The following SHPK variants were observed in gnomAD, a reference collection of about 807,000 sequenced individuals.
SHPK encodes the protein carbohydrate kinase-like protein.
In SHPK, 51 loss-of-function variants were observed where a neutral mutation model predicts 46.3. That is an observed-to-expected ratio of 1.10 (90% CI 0.88 to 1.39). SHPK has a LOEUF of 1.39. Ranked by LOEUF, SHPK falls within the 40% of genes most tolerant of loss-of-function variation. The pLI is 0.00. For synonymous variants in SHPK, 290 were observed against 273.9 expected (o/e 1.06, Z -0.58); for missense variants, 668 against 641.3 (o/e 1.04, Z -0.45).
chr17:3,618,812 G>C (rs992966369), intron 5 of SHPK, among the ~76,000 whole-genome samples: 2 of 152,032 alleles, frequency 1.3e-5, no homozygotes, highest in Non-Finnish European at 2.9e-5. Context: ...TTAGTTGACA[G>C]ACATTTAGAT....
chr17:3,618,649 G>A (rs57307520), intron 5 of SHPK, among the ~76,000 whole-genome samples: 3 of 151,930 alleles, frequency 2.0e-5, no homozygotes, highest in South Asian at 2.1e-4. Flanking sequence ...GTGTGGTGGC[G>A]TGCGCCTGTA....
Position 3,614,335 on chromosome 17 carries a change from T to A in SHPK, c.1024+1002A>T, listed in dbSNP as rs1304188218. 3.3e-5 allele frequency among the ~76,000 whole-genome samples: 5 copies of A among 151,258 alleles called. No individual in the cohort carries two copies. In the East Asian group the frequency reaches 9.9e-4, roughly 30 times the overall value. Reference sequence around the variant, plus strand: ...GTCAGGAGATTGAGACCATCCTGGCTAACACGGTGAAACCCCACCTCTACT... The same window carrying A: ...GTCAGGAGATTGAGACCATCCTGGCAAACACGGTGAAACCCCACCTCTACT... On this transcript the variant is annotated intron_variant, in intron 6 of 6. Transcript: ENST00000225519.
chr17:3,624,181 C>A lies in SHPK; in HGVS notation c.361G>T (p.Val121Phe). Residue 121 changes from valine to phenylalanine, a missense_variant, in exon 3 of 7, where the codon GTT becomes TTT. Coordinates refer to ENST00000225519, the MANE Select transcript of SHPK (RefSeq NM_013276.4). The stretch of plus-strand genomic sequence containing the variant: ...TCCTGCCACGTGACCAGGTGGCTAA[C>A]AGCTCGGGGCTCGAACACCGGGGTA... ...GITPVFEPRA[V>F]SHLVTWQDGR... is the part of the protein sequence containing the mutation. 1 of 1,614,112 alleles carries A rather than the reference C, an allele frequency of 6.2e-7. No individual in the cohort carries two copies. Among genetic ancestry groups the A allele is most frequent in the Non-Finnish European group, 8.5e-7 (1 of 1,179,960 alleles).
chr17:3,635,976 C>T (rs1265336372), intron 1 of SHPK, 76 bp downstream of exon 1: 5 of 1,390,200 alleles, frequency 3.6e-6, no homozygotes, highest in East Asian at 2.6e-5. Flanking sequence ...GAAGGGCTGT[C>T]AGGGAGGCCT....
In SHPK at chr17:3,627,978, G is replaced by A. The variant is rs79950433; in HGVS notation, c.310+2227C>T. On this transcript the variant is annotated intron_variant, in intron 2 of 6. Transcript: ENST00000225519. ...GGCCCCGGCGGGTCTGATGATAGCC[G>A]GACAGGAGGGAGGAAGGGGAGGAGG... is the stretch of plus-strand genomic sequence containing the variant. Among the ~76,000 whole-genome samples, 31 of 151,946 alleles carry A rather than the reference G, an allele frequency of 2.0e-4. No homozygotes were observed. The East Asian group carries it at 4.6e-3, about 23-fold the overall frequency.
intron 6 of SHPK, among the ~76,000 whole-genome samples, chr17:3,611,830 C>T (rs937440388): frequency 1.4e-5 from 2 of 139,236 alleles, no homozygotes; most frequent in African/African-American, 5.3e-5. Context: ...TTCTGAGGCT[C>T]GCTGTGTCAC....
At chr17:3,612,130 C>T (rs1393080923) in intron 6 of SHPK, among the ~76,000 whole-genome samples, 3 of 121,348 alleles carry the variant, frequency 2.5e-5, no homozygotes, top group Non-Finnish European at 3.7e-5. Flanking sequence ...AACAAACAAA[C>T]GAAAAAAAAA....
intron 6 of SHPK, 80 bp downstream of exon 6, chr17:3,615,257 T>A: frequency 7.1e-7 from 1 of 1,404,928 alleles, no homozygotes; most frequent in Non-Finnish European, 1.0e-6. Context: ...AAACCGCACA[T>A]GAAGCTCCGT....
At chr17:3,615,877 CAG>C (rs1395351083) in intron 5 of SHPK, among the ~76,000 whole-genome samples, 6 of 133,004 alleles carry the variant, frequency 4.5e-5, no homozygotes, top group Admixed American at 1.6e-4. Context: ...TTTTTTGAGA[CAG>C]AGTCTCGCTC....
chr17:3,626,759 G>A (rs915656634), intron 2 of SHPK, among the ~76,000 whole-genome samples: 9 of 151,122 alleles, frequency 6.0e-5, no homozygotes, highest in Admixed American at 1.3e-4. Flanking sequence ...GCATGGTGGC[G>A]GGTGCCTGTA....
intron 6 of SHPK, among the ~76,000 whole-genome samples, chr17:3,613,494 G>A (rs1392517788): frequency 2.6e-5 from 4 of 152,000 alleles, no homozygotes; most frequent in Non-Finnish European, 2.9e-5. Flanking sequence ...TCAGCCTCCC[G>A]AGTAGCTGGA....
intron 2 of SHPK, among the ~76,000 whole-genome samples, chr17:3,625,488 C>G (rs1298504233): frequency 6.6e-6 from 1 of 152,202 alleles, no homozygotes; most frequent in East Asian, 1.9e-4. Context: ...AGACCACGGG[C>G]AAAGAGCAGC....
chr17:3,631,512 C>CCTTTTTTTTTT (rs2075471665), intron 1 of SHPK, among the ~76,000 whole-genome samples: 3 of 53,036 alleles, frequency 5.7e-5, no homozygotes, highest in African/African-American at 2.7e-4. Flanking sequence ...TAATTTAATG[C>CCTTTTTTTTTT]TTTTTTTTTT....
Position 3,622,598 on chromosome 17 carries a change from A to G in SHPK, c.647+741T>C, listed in dbSNP as rs1297189990. On this transcript the variant is annotated intron_variant, in intron 4 of 6. Transcript: ENST00000225519. ...TCAGAGCTCAGAATTTGGGCCCTGA[A>G]GGAAGTGAACTTACAGGGCACTGGA... is the stretch of plus-strand genomic sequence containing the variant. 4 of 985,104 alleles carry G rather than the reference A, an allele frequency of 4.1e-6. No individual in the cohort carries two copies. The East Asian group carries it at 4.5e-4, about 112-fold the overall frequency. 61.0% of individuals were successfully genotyped at this position (985,104 alleles called of 1,614,324 possible).
At chr17:3,635,185 GGAAAGAAT>G (rs1446703892) in intron 1 of SHPK, among the ~76,000 whole-genome samples, 2 of 136,470 alleles carry the variant, frequency 1.5e-5, no homozygotes, top group East Asian at 4.2e-4. Flanking sequence ...GAGAAAGAAA[GGAAAGAAT>G]GAAGGAAGGA....
rs34873037 is a variant in SHPK, at chr17:3,632,971, CTTTTT to C, written c.169-2630_169-2626del. Among the ~76,000 whole-genome samples the C allele has an allele frequency of 9.2e-4, 75 of 81,728 alleles. 2 individuals carry two copies. Among genetic ancestry groups the C allele is most frequent in the Admixed American group, 3.7e-3 (23 of 6,258 alleles). The allele number at this position is 81,728 out of a possible 152,430, so 53.6% of individuals were successfully genotyped here. On this transcript the variant is annotated intron_variant, in intron 1 of 6. Transcript: ENST00000225519. ...GAAAGAACACAGCCAGCAGATATTA[CTTTTT>C]TTTTTTTTTTTTTTTTTTTGGAGAC...
chr17:3,627,213 C>T (rs889200211), intron 2 of SHPK, among the ~76,000 whole-genome samples: 1 of 152,164 alleles, frequency 6.6e-6, no homozygotes, highest in African/African-American at 2.4e-5. Flanking sequence ...ATATTTTCTC[C>T]CTGTCTGCTG....
At chr17:3,615,842 T>C in intron 5 of SHPK, among the ~76,000 whole-genome samples, 1 of 135,038 alleles carries the variant, frequency 7.4e-6, no homozygotes, top group East Asian at 2.3e-4. Context: ...GAGATGTTGA[T>C]CAAAGGAATT....
Position 3,624,111 on chromosome 17 carries a change from T to A in SHPK, c.431A>T (p.Lys144Met). The stretch of plus-strand genomic sequence containing the variant: ...GCCCGTGGCCACACTGAGATGAGAC[T>A]TCGGCTGGGGCAGAGAGGCCAGGAA... ...SEFLASLPQPKSHLSVATGFG... is the reference protein window; with the variant it reads ...SEFLASLPQPMSHLSVATGFG... The change falls in exon 3 of 7, where the codon AAG becomes ATG. Residue 144 changes from lysine (K) to methionine (M), a missense_variant. Coordinates refer to ENST00000225519, the MANE Select transcript of SHPK (RefSeq NM_013276.4). 4 of 1,614,138 alleles carry A rather than the reference T, an allele frequency of 2.5e-6. No individual in the cohort carries two copies. Among genetic ancestry groups the A allele is most frequent in the Middle Eastern group, 1.6e-4 (1 of 6,062 alleles).
Sources: allele counts gnomAD v4.1 joint callset (sites outside exome capture counted in the v4.1 genomes callset), GRCh38; gene constraint gnomAD v4.1.1; transcripts MANE v1.5; gene names NCBI Gene and HGNC (gene_info 2026-07-23, HGNC 2026-07-21).